CDIN1: variants seen among roughly 807,000 people sequenced by gnomAD.
The protein encoded by CDIN1 is CDAN1-interacting nuclease 1.
In CDIN1, 33 loss-of-function variants were observed where a neutral mutation model predicts 45.3. The observed-to-expected ratio is 0.73, with a 90% confidence interval of 0.55 to 0.97. The LOEUF is 0.97. Among genes scored for constraint, CDIN1 ranks in the 50% least tolerant of loss-of-function variants. The pLI is 0.00. For missense variants in CDIN1, 303 were observed against 339.4 expected, an observed-to-expected ratio of 0.89 and a Z score of 0.84; for synonymous variants, 118 against 124.4, an observed-to-expected ratio of 0.95 and a Z score of 0.34.
intron 5 of CDIN1, among the ~76,000 whole-genome samples, chr15:36,685,197 G>A (rs2041997080): frequency 6.6e-6 from 1 of 150,638 alleles, no homozygotes; most frequent in Non-Finnish European, 1.5e-5. Context: ...GATCTTTCCT[G>A]CTTTCTCTTG....
chr15:36,748,961 T>A (rs2053382180), intron 10 of CDIN1, among the ~76,000 whole-genome samples: 1 of 152,156 alleles, frequency 6.6e-6, no homozygotes, highest in Non-Finnish European at 1.5e-5. Flanking sequence ...TGCTGAGGTT[T>A]GACAAGAGGA....
chr15:36,593,660 T>C (rs1436387069), intron 1 of CDIN1, among the ~76,000 whole-genome samples: 4 of 152,152 alleles, frequency 2.6e-5, no homozygotes, highest in African/African-American at 7.2e-5. Flanking sequence ...ACCTCCTGGG[T>C]TCACAGCATT....
chr15:36,643,854 AC>A (rs1365474466), intron 1 of CDIN1, among the ~76,000 whole-genome samples: 1 of 152,202 alleles, frequency 6.6e-6, no homozygotes, highest in Non-Finnish European at 1.5e-5. Flanking sequence ...AGAGGAGAAT[AC>A]CTGTCTGCTA....
At chr15:36,798,131 A>C (rs763574780) in intron 10 of CDIN1, among the ~76,000 whole-genome samples, 5 of 151,758 alleles carry the variant, frequency 3.3e-5, no homozygotes, top group Non-Finnish European at 7.4e-5. Context: ...GTGTATTCAT[A>C]TATCCACTCA....
chr15:36,608,871 A>G (rs1301451573), intron 1 of CDIN1, among the ~76,000 whole-genome samples: 1 of 152,120 alleles, frequency 6.6e-6, no homozygotes, highest in Non-Finnish European at 1.5e-5. Context: ...AAAGTTAGGC[A>G]TGCTTTTAAT....
At chr15:36,790,669 A>T (rs1201453528) in intron 10 of CDIN1, among the ~76,000 whole-genome samples, 3 of 152,210 alleles carry the variant, frequency 2.0e-5, no homozygotes, top group Admixed American at 6.5e-5. Flanking sequence ...TATCAATTTT[A>T]AAAAATATTA....
At chr15:36,585,209 C>A (rs1033376626) in intron 1 of CDIN1, among the ~76,000 whole-genome samples, 1 of 152,066 alleles carries the variant, frequency 6.6e-6, no homozygotes, top group African/African-American at 2.4e-5. Context: ...TCTCATATAC[C>A]CTTCACCCAG....
intron 5 of CDIN1, among the ~76,000 whole-genome samples, chr15:36,685,982 C>A (rs1309666773): frequency 6.6e-6 from 1 of 151,466 alleles, no homozygotes; most frequent in Non-Finnish European, 1.5e-5. Context: ...CTAGTTCAAC[C>A]ATTGTGGAAG....
At chr15:36,635,810 T>C (rs1232746355) in intron 1 of CDIN1, among the ~76,000 whole-genome samples, 4 of 152,162 alleles carry the variant, frequency 2.6e-5, no homozygotes, top group African/African-American at 9.7e-5. Flanking sequence ...CAACCAATAT[T>C]GGATGGATTT....
At chr15:36,788,002 A>C (rs2054534631) in intron 10 of CDIN1, among the ~76,000 whole-genome samples, 2 of 149,188 alleles carry the variant, frequency 1.3e-5, no homozygotes. Flanking sequence ...AACTAAGACC[A>C]ATATATTTTC....
chr15:36,803,318 G>A lies in CDIN1; in HGVS notation c.717-5006G>A, dbSNP rs2055111817. ...CTAAGAAGCTCAGTTGGTATACCTG[G>A]CACTGATCCTCGGCATCAGAAAGTG... On this transcript the variant is annotated intron_variant, in intron 10 of 10. Transcript: ENST00000566621. 4.0e-5 allele frequency among the ~76,000 whole-genome samples: 6 copies of A among 150,970 alleles called. 1 individual carries two copies. The highest frequency in any genetic ancestry group is 3.3e-4 in the Admixed American group (5 of 14,972).
At chr15:36,604,097 A>G (rs541577536) in intron 1 of CDIN1, among the ~76,000 whole-genome samples, 1 of 152,232 alleles carries the variant, frequency 6.6e-6, no homozygotes, top group East Asian at 1.9e-4. Context: ...GGCTGAAAGG[A>G]CCAGTTCGGG....
chr15:36,594,848 A>T (rs1386665659), intron 1 of CDIN1: 28 of 979,538 alleles, frequency 2.9e-5, no homozygotes, highest in Non-Finnish European at 3.4e-5. Flanking sequence ...CAAGAAGCTT[A>T]TTTATAGCAA....
chr15:36,767,985 A>C (rs1404232424), intron 10 of CDIN1, among the ~76,000 whole-genome samples: 1 of 152,170 alleles, frequency 6.6e-6, no homozygotes, highest in Non-Finnish European at 1.5e-5. Flanking sequence ...TAAGGAAGAG[A>C]GGGCTGTTTC....
chr15:36,774,427 G>A (rs1330874780), intron 10 of CDIN1, among the ~76,000 whole-genome samples: 1 of 151,266 alleles, frequency 6.6e-6, no homozygotes, highest in African/African-American at 2.4e-5. Flanking sequence ...AATTCAAAAC[G>A]TTCATTTTCA....
intron 10 of CDIN1, among the ~76,000 whole-genome samples, chr15:36,747,491 C>T (rs941646478): frequency 1.3e-5 from 2 of 152,016 alleles, no homozygotes; most frequent in African/African-American, 4.8e-5. Flanking sequence ...CCTTGAAAAG[C>T]TTTATGAGTG....
chr15:36,618,018 A>G (rs1595750937), intron 1 of CDIN1: 4 of 783,848 alleles, frequency 5.1e-6, no homozygotes, highest in African/African-American at 3.4e-5. Context: ...CAGCCTGTAT[A>G]TAATCTTCAC....
chr15:36,753,819 CT>C (rs1429955421), intron 10 of CDIN1, among the ~76,000 whole-genome samples: 3 of 151,970 alleles, frequency 2.0e-5, no homozygotes, highest in Non-Finnish European at 2.9e-5. Flanking sequence ...ACAAAAGCCC[CT>C]TTTCACCCCC....
intron 10 of CDIN1, among the ~76,000 whole-genome samples, chr15:36,751,443 C>G (rs2053468670): frequency 6.6e-6 from 1 of 151,334 alleles, no homozygotes; most frequent in African/African-American, 2.4e-5. Context: ...CCTATAATAC[C>G]AAAACTTTAG....
Sources: allele counts gnomAD v4.1 joint callset (sites outside exome capture counted in the v4.1 genomes callset), GRCh38; gene constraint gnomAD v4.1.1; transcripts MANE v1.5; gene names NCBI Gene and HGNC (gene_info 2026-07-23, HGNC 2026-07-21).